The following MAST4 variants were observed in gnomAD, a reference collection of about 807,000 sequenced individuals.
The protein encoded by MAST4 is microtubule-associated serine/threonine-protein kinase 4.
In MAST4, 89 loss-of-function variants were observed where a neutral mutation model predicts 162.7. That is an observed-to-expected ratio of 0.55 (90% confidence interval 0.46 to 0.65). The LOEUF (loss-of-function observed/expected upper bound fraction) is 0.65. Ranked by LOEUF, MAST4 falls within the 30% of genes least tolerant of loss-of-function variation. MAST4 has a pLI of 0.00. For synonymous variants in MAST4, 1,479 were observed against 1,361.1 expected, an observed-to-expected ratio of 1.09 and a Z score of -1.91; for missense variants, 3,153 against 3,374.0, an observed-to-expected ratio of 0.93 and a Z score of 1.62.
Position 67,133,510 on chromosome 5 carries a change from A to G in MAST4, c.2094-4A>G. ...ATTGTGTTACATGTCCGTCTGCCTC[A>G]TAGCTTGTTGGTTACCTCCATGGGG... On this transcript the variant is annotated splice_polypyrimidine_tract_variant and splice_region_variant and intron_variant, in intron 16 of 28. Transcript: ENST00000403625. 6.2e-7 allele frequency: 1 copy of G among 1,612,752 alleles called. No individual in the cohort carries two copies. The highest frequency in any genetic ancestry group is 8.5e-7 in the Non-Finnish European group (1 of 1,179,002).
chr5:66,884,582 G>A (rs906203786), intron 3 of MAST4, among the ~76,000 whole-genome samples: 4 of 152,170 alleles, frequency 2.6e-5, no homozygotes, highest in Admixed American at 1.3e-4. Flanking sequence ...TGATTACCGC[G>A]TTATTGCTTA....
chr5:67,003,244 T>C lies in MAST4; in HGVS notation c.675-51160T>C, dbSNP rs140085961. On this transcript the variant is annotated intron_variant, in intron 4 of 28. Coordinates refer to ENST00000403625, the MANE Select transcript of MAST4 (RefSeq NM_001164664.2). ...TTGGGATAAAGTCCCAAATGTAAAA[T>C]TGAGAAAATAATGCCTTCTTTGTCT... Among the ~76,000 whole-genome samples the C allele has an allele frequency of 3.4e-3, 515 of 152,204 alleles. 4 individuals are homozygous for C. Among genetic ancestry groups the C allele is most frequent in the African/African-American group, 0.012 (496 of 41,530 alleles).
intron 4 of MAST4, among the ~76,000 whole-genome samples, chr5:67,048,309 G>A (rs142587541): frequency 6.6e-5 from 10 of 152,120 alleles, no homozygotes; most frequent in African/African-American, 1.2e-4. Flanking sequence ...CCATATTTAC[G>A]TTGCCATGGT....
chr5:66,871,104 G>A (rs1037811521), intron 3 of MAST4, among the ~76,000 whole-genome samples: 2 of 152,216 alleles, frequency 1.3e-5, no homozygotes, highest in Admixed American at 1.3e-4. Flanking sequence ...CCCTGGTGTA[G>A]ATACTCCCAC....
At chr5:66,604,048 GGGATT>G (rs772192806) in intron 1 of MAST4, among the ~76,000 whole-genome samples, 2 of 152,302 alleles carry the variant, frequency 1.3e-5, no homozygotes, top group East Asian at 1.9e-4. Context: ...ATTCCTAGGA[GGGATT>G]GGATAATAGT....
intron 5 of MAST4, among the ~76,000 whole-genome samples, chr5:67,077,988 A>C (rs113886045): frequency 0.033 from 5,089 of 152,160 alleles, 250 homozygotes; most frequent in African/African-American, 0.1. Context: ...ATTCCCAGCT[A>C]CTAGGGAGGC....
intron 3 of MAST4, among the ~76,000 whole-genome samples, chr5:66,879,529 A>G (rs1761550912): frequency 6.6e-6 from 1 of 151,964 alleles, no homozygotes; most frequent in Non-Finnish European, 1.5e-5. Context: ...GTTTTTTGAG[A>G]CAAAGTCTCA....
intron 5 of MAST4, among the ~76,000 whole-genome samples, chr5:67,078,769 T>TATATATTTATTTATATTTATCTAA (rs1561620722): frequency 1.1e-4 from 15 of 133,028 alleles, no homozygotes; most frequent in African/African-American, 4.0e-4. Flanking sequence ...TATCTAAATA[T>TATATATTTATTTATATTTATCTAA]ATATATTTAT....
In MAST4 at chr5:67,086,836, A is replaced by C. The variant is rs113648967; in HGVS notation, c.764-3326A>C. Reference sequence around the variant, plus strand: ...ACTCCTTCTTACTCTCATCCTGGGGAAGCACTGTGCATGTGCACAGCAGTC... The same window carrying C: ...ACTCCTTCTTACTCTCATCCTGGGGCAGCACTGTGCATGTGCACAGCAGTC... On this transcript the variant is annotated intron_variant, in intron 5 of 28. Transcript: ENST00000403625. Among the ~76,000 whole-genome samples, 47 of 152,304 alleles carry C rather than the reference A, an allele frequency of 3.1e-4. 3 individuals carry two copies. The highest frequency in any genetic ancestry group is 1.1e-3 in the African/African-American group (45 of 41,566).
At chr5:66,904,911 C>G (rs1174034688) in intron 4 of MAST4, among the ~76,000 whole-genome samples, 2 of 152,046 alleles carry the variant, frequency 1.3e-5, no homozygotes, top group African/African-American at 2.4e-5. Flanking sequence ...AGTTTTCCAG[C>G]CCTTTCCCCC....
intron 10 of MAST4, among the ~76,000 whole-genome samples, chr5:67,105,121 G>A (rs1581577043): frequency 6.6e-6 from 1 of 152,240 alleles, no homozygotes; most frequent in East Asian, 1.9e-4. Context: ...CCTAACACTT[G>A]CATGCCTAGC....
intron 1 of MAST4, among the ~76,000 whole-genome samples, chr5:66,626,163 A>T (rs897063417): frequency 6.6e-6 from 1 of 152,132 alleles, no homozygotes; most frequent in African/African-American, 2.4e-5. Context: ...AGTTAACGGT[A>T]GATGAAGTTC....
At chr5:66,726,165 A>G (rs1034233720) in intron 1 of MAST4, among the ~76,000 whole-genome samples, 5 of 152,102 alleles carry the variant, frequency 3.3e-5, no homozygotes, top group African/African-American at 1.2e-4. Context: ...TAAGGTGGTC[A>G]GGGAAGGGAG....
intron 15 of MAST4, among the ~76,000 whole-genome samples, chr5:67,131,407 C>A (rs1768949084): frequency 6.6e-6 from 1 of 152,126 alleles, no homozygotes; most frequent in South Asian, 2.1e-4. Context: ...CCTCGTATTA[C>A]AGGTGAAGGA....
intron 1 of MAST4, among the ~76,000 whole-genome samples, chr5:66,644,173 T>G (rs886990211): frequency 6.6e-6 from 1 of 152,052 alleles, no homozygotes; most frequent in Non-Finnish European, 1.5e-5. Flanking sequence ...AAGATCCTAC[T>G]AGATGTATGT....
At chr5:66,961,759 G>A (rs149311337) in intron 4 of MAST4, among the ~76,000 whole-genome samples, 342 of 152,290 alleles carry the variant, frequency 2.2e-3, no homozygotes, top group African/African-American at 7.7e-3. Flanking sequence ...TTTTAGGACA[G>A]GAAGGAATAG....
At chr5:66,837,054 A>T (rs372347681) in intron 3 of MAST4, among the ~76,000 whole-genome samples, 1 of 70,352 alleles carries the variant, frequency 1.4e-5, no homozygotes, top group South Asian at 6.4e-4. Flanking sequence ...GTGTGTGTGT[A>T]TGTATACTGT....
chr5:67,160,189 G>A (rs1369880427), intron 26 of MAST4, among the ~76,000 whole-genome samples: 1 of 152,118 alleles, frequency 6.6e-6, no homozygotes, highest in African/African-American at 2.4e-5. Context: ...GGGTAGGGAG[G>A]GTAGCAGCCT....
At chr5:67,074,671 A>G (rs574538032) in intron 5 of MAST4, among the ~76,000 whole-genome samples, 59 of 152,312 alleles carry the variant, frequency 3.9e-4, no homozygotes, top group Non-Finnish European at 6.8e-4. Flanking sequence ...ATTATAACCT[A>G]ATTATAAAGA....
Sources: gnomAD v4.1 joint callset for allele counts (sites outside exome capture counted in the v4.1 genomes callset) on GRCh38, gnomAD v4.1.1 for gene constraint, MANE v1.5 for transcripts, NCBI Gene and HGNC (gene_info 2026-07-23, HGNC 2026-07-21) for gene names.